Variants in GALK2 observed in about 807,000 individuals in gnomAD.
GALK2 encodes the protein N-acetylgalactosamine kinase.
GALK2 carries 36 observed loss-of-function variants against 52.4 expected under a neutral mutation model. The ratio of observed to expected loss-of-function variants is 0.69; its 90% confidence interval spans 0.53 to 0.91. The LOEUF is 0.91. GALK2 is among the 40% of genes least tolerant of loss of function. The pLI is 0.00. For missense variants in GALK2, 579 were observed against 559.1 expected (o/e 1.04, Z -0.36); for synonymous variants, 176 against 199.1 (o/e 0.88, Z 0.98).
intron 1 of GALK2, among the ~76,000 whole-genome samples, chr15:49,162,086 A>G (rs1023631248): frequency 2.0e-5 from 3 of 152,234 alleles, no homozygotes; most frequent in Non-Finnish European, 2.9e-5. Context: ...ACACAAGATA[A>G]TGAACATATT....
intron 3 of GALK2, among the ~76,000 whole-genome samples, chr15:49,228,687 A>ATATATATATATATATATATACACATATAT (rs1555409061): frequency 7.0e-5 from 1 of 14,274 alleles, no homozygotes; most frequent in Admixed American, 1.0e-3. Flanking sequence ...ATATATATAT[A>ATATATATATATATATATATACACATATAT]TTTTTTTTTT....
At chr15:49,183,209 G>A (rs752805749) in intron 1 of GALK2, among the ~76,000 whole-genome samples, 8 of 151,002 alleles carry the variant, frequency 5.3e-5, no homozygotes, top group African/African-American at 9.7e-5. Context: ...TACTAATTTC[G>A]GGTTTGGCTT....
chr15:49,308,244 G>C (rs1287582936), intron 8 of GALK2, among the ~76,000 whole-genome samples: 1 of 152,142 alleles, frequency 6.6e-6, no homozygotes, highest in Non-Finnish European at 1.5e-5. Context: ...TCTCTGGATT[G>C]CTCTTCTTGG....
intron 3 of GALK2, among the ~76,000 whole-genome samples, chr15:49,364,804 G>C (rs1359608969): frequency 6.6e-6 from 1 of 151,670 alleles, no homozygotes; most frequent in Admixed American, 6.6e-5. Context: ...TCTACCATTA[G>C]AGTTGGAAGA....
intron 3 of GALK2, among the ~76,000 whole-genome samples, chr15:49,339,147 A>G (rs557460624): frequency 3.3e-4 from 50 of 152,266 alleles, no homozygotes; most frequent in Admixed American, 2.4e-3. Flanking sequence ...TGTCAAACTT[A>G]TTCTCTGTCC....
intron 3 of GALK2, among the ~76,000 whole-genome samples, chr15:49,363,678 G>A (rs2044637428): frequency 6.6e-6 from 1 of 152,170 alleles, no homozygotes; most frequent in Non-Finnish European, 1.5e-5. Flanking sequence ...GGAGTGTTGA[G>A]AGTGGGTATC....
intron 9 of GALK2, 99 bp downstream of exon 9, chr15:49,319,904 C>A: frequency 9.9e-7 from 1 of 1,009,614 alleles, no homozygotes; most frequent in Non-Finnish European, 1.4e-6. Flanking sequence ...GAATGAAGAT[C>A]ATTCCCCACT....
intron 3 of GALK2, among the ~76,000 whole-genome samples, chr15:49,231,734 A>C (rs2090514807): frequency 6.6e-6 from 1 of 152,230 alleles, no homozygotes; most frequent in African/African-American, 2.4e-5. Flanking sequence ...GCCCCATGTA[A>C]GTTTGAAACC....
chr15:49,194,196 T>A (rs930862646), intron 1 of GALK2: 1 of 152,024 alleles, frequency 6.6e-6, no homozygotes, highest in African/African-American at 2.4e-5. Context: ...CGTGGTGGCA[T>A]GCACCTGTAG....
intron 2 of GALK2, among the ~76,000 whole-genome samples, chr15:49,209,941 A>G (rs74989413): frequency 0.017 from 2,606 of 152,336 alleles, 94 homozygotes; most frequent in African/African-American, 0.06. Flanking sequence ...GGTAGAATTC[A>G]TGGGTGAAGC....
In GALK2 at chr15:49,298,263, AT is replaced by A. The variant is rs1297167960; in HGVS notation, c.967+5730del. Reference sequence around the variant, plus strand: ...AAATACTACTGATTTTTGTACATGGATTTTGTATCCTGAAACTTTACTGAAG... The same window carrying A: ...AAATACTACTGATTTTTGTACATGGATTTGTATCCTGAAACTTTACTGAAG... On this transcript the variant is annotated intron_variant, in intron 8 of 9. Coordinates refer to ENST00000560031, the MANE Select transcript of GALK2 (RefSeq NM_002044.4). Among the ~76,000 whole-genome samples, 13 of 152,168 alleles carry A rather than the reference AT, an allele frequency of 8.5e-5. No individual in the cohort carries two copies. The East Asian group carries it at 2.5e-3, about 29-fold the overall frequency.
At chr15:49,236,431 A>G (rs767411417) in intron 4 of GALK2, among the ~76,000 whole-genome samples, 1 of 152,196 alleles carries the variant, frequency 6.6e-6, no homozygotes, top group Non-Finnish European at 1.5e-5. Context: ...GATGGTAGCC[A>G]TTTAATAAAT....
chr15:49,260,082 T>C (rs529253439), intron 5 of GALK2, among the ~76,000 whole-genome samples: 3 of 152,114 alleles, frequency 2.0e-5, no homozygotes, highest in African/African-American at 7.2e-5. Context: ...TTATAGTCCT[T>C]TGGGTATATA....
At chr15:49,305,355 C>T (rs1567043007) in intron 8 of GALK2, among the ~76,000 whole-genome samples, 1 of 152,148 alleles carries the variant, frequency 6.6e-6, no homozygotes, top group African/African-American at 2.4e-5. Flanking sequence ...TGACAGGCCA[C>T]CACTCTATAT....
At chr15:49,245,375 C>T (rs1434933534) in intron 5 of GALK2, among the ~76,000 whole-genome samples, 1 of 152,018 alleles carries the variant, frequency 6.6e-6, no homozygotes, top group Non-Finnish European at 1.5e-5. Flanking sequence ...CCTTTTACCT[C>T]TATTTAATCT....
downstream of GALK2, among the ~76,000 whole-genome samples, chr15:49,332,283 C>G (rs1449709525): frequency 6.6e-6 from 1 of 152,164 alleles, no homozygotes; most frequent in Non-Finnish European, 1.5e-5. Context: ...TCATAAGGCT[C>G]TAGCCCAGAC....
At chr15:49,304,706 C>T (rs972665867) in intron 8 of GALK2, among the ~76,000 whole-genome samples, 4 of 152,240 alleles carry the variant, frequency 2.6e-5, no homozygotes, top group South Asian at 2.1e-4. Context: ...CTATGAGTCT[C>T]ATCCCATCAA....
intron 1 of GALK2, among the ~76,000 whole-genome samples, chr15:49,193,445 TG>T (rs1196695885): frequency 6.6e-6 from 1 of 152,086 alleles, no homozygotes; most frequent in Admixed American, 6.5e-5. Context: ...AATTTTGTAG[TG>T]TTTTTGCCAT....
chr15:49,216,010 G>A (rs963717480), intron 2 of GALK2, among the ~76,000 whole-genome samples: 2 of 152,204 alleles, frequency 1.3e-5, no homozygotes, highest in Non-Finnish European at 2.9e-5. Context: ...TAGAGGCACT[G>A]CCTTGACGAG....
Sources: gnomAD v4.1 joint callset for allele counts (sites outside exome capture counted in the v4.1 genomes callset) on GRCh38, gnomAD v4.1.1 for gene constraint, MANE v1.5 for transcripts, NCBI Gene and HGNC (gene_info 2026-07-23, HGNC 2026-07-21) for gene names.